FRAS1: variants seen among roughly 807,000 people sequenced by gnomAD.
FRAS1 encodes the protein extracellular matrix organizing protein FRAS1.
A neutral mutation model predicts 435.2 loss-of-function variants in FRAS1; 290 were observed. The ratio of observed to expected loss-of-function variants is 0.67; its 90% CI spans 0.61 to 0.73. The LOEUF is 0.73. Ranked by LOEUF, FRAS1 falls within the 30% of genes least tolerant of loss-of-function variation. FRAS1 has a pLI of 0.00. For synonymous variants in FRAS1, 1,800 were observed against 1,851.0 expected, an observed-to-expected ratio of 0.97 and a Z score of 0.71; for missense variants, 4,860 against 5,001.5, an observed-to-expected ratio of 0.97 and a Z score of 0.85.
At chr4:78,067,778 C>T (rs1740120003) in intron 2 of FRAS1, among the ~76,000 whole-genome samples, 1 of 149,754 alleles carries the variant, frequency 6.7e-6, no homozygotes, top group Non-Finnish European at 1.5e-5. Flanking sequence ...ACTGCAACCT[C>T]TGCCTCTAGG....
chr4:78,514,630 T>C (rs936882161), intron 65 of FRAS1, among the ~76,000 whole-genome samples: 2 of 152,218 alleles, frequency 1.3e-5, no homozygotes, highest in Admixed American at 1.3e-4. Flanking sequence ...TTTGCACCTG[T>C]TCCTGCTTAA....
intron 2 of FRAS1, among the ~76,000 whole-genome samples, chr4:78,169,009 T>G (rs776818489): frequency 2.0e-5 from 3 of 152,066 alleles, no homozygotes; most frequent in Non-Finnish European, 2.9e-5. Context: ...GAAATTTAGG[T>G]GCAGATTGTG....
In FRAS1 at chr4:78,464,447, C is replaced by T. The variant is rs1560742430; in HGVS notation, c.6893C>T (p.Thr2298Ile). 1.2e-6 allele frequency: 2 copies of T among 1,613,870 alleles called. No individual in the cohort carries two copies. Among genetic ancestry groups the T allele is most frequent in the Non-Finnish European group, 8.5e-7 (1 of 1,179,880 alleles). ...FTLSDGVSEV[T>I]QTFHITLHPV... The stretch of plus-strand genomic sequence containing the variant: ...TGCACTTTCCTGCCATTCTAGGTGA[C>T]TCAGACTTTCCATATCACTCTTCAC... Residue 2298 changes from threonine (T) to isoleucine (I), a missense_variant, in exon 49 of 74, where the codon ACT becomes ATT. Transcript: ENST00000512123.
intron 61 of FRAS1, among the ~76,000 whole-genome samples, chr4:78,500,939 G>C (rs1210340269): frequency 2.0e-5 from 3 of 152,032 alleles, no homozygotes; most frequent in African/African-American, 7.2e-5. Context: ...TGCACCTTCA[G>C]AAACTCACCT....
intron 9 of FRAS1, among the ~76,000 whole-genome samples, chr4:78,277,636 C>T (rs894945401): frequency 4.6e-5 from 7 of 152,008 alleles, no homozygotes; most frequent in Non-Finnish European, 7.4e-5. Flanking sequence ...AGTGGAATTA[C>T]ACTTTCTAAA....
Position 78,235,089 on chromosome 4 carries a change from T to C in FRAS1, c.109-2421T>C, listed in dbSNP as rs1249868773. ...ATTTTAGTCTTGAGGCTGAATTCCC[T>C]TTTTTTCCAGGAAACCTCAGTTTTT... On this transcript the variant is annotated intron_variant, in intron 2 of 73. Coordinates refer to ENST00000512123, the MANE Select transcript of FRAS1 (RefSeq NM_025074.7). 2.0e-5 allele frequency among the ~76,000 whole-genome samples: 3 copies of C among 152,074 alleles called. No homozygotes were observed. In the East Asian group the frequency reaches 5.8e-4, roughly 29 times the overall value.
intron 2 of FRAS1, among the ~76,000 whole-genome samples, chr4:78,129,023 A>T (rs1578142923): frequency 6.6e-6 from 1 of 152,146 alleles, no homozygotes. Context: ...TCCTTTCCCC[A>T]TTGCTTGTTT....
At chr4:78,199,023 A>G (rs558755033) in intron 2 of FRAS1, among the ~76,000 whole-genome samples, 15 of 152,310 alleles carry the variant, frequency 9.8e-5, no homozygotes, top group Admixed American at 3.3e-4. Flanking sequence ...TGGATTTTTG[A>G]CAGTGCAGGT....
intron 20 of FRAS1, among the ~76,000 whole-genome samples, chr4:78,355,491 T>C (rs914854542): frequency 4.6e-5 from 7 of 152,294 alleles, no homozygotes; most frequent in Non-Finnish European, 1.0e-4. Context: ...GGCTCCAGAA[T>C]AGGCACTGTT....
Position 78,288,647 on chromosome 4 carries a change from G to A in FRAS1, c.1534+2108G>A, listed in dbSNP as rs140069193. ...CAGGGAATTAAACCAATTTGCTTTA[G>A]TTCAGGCTGGTTGCATTTTTATGCA... On this transcript the variant is annotated intron_variant, in intron 14 of 73. Transcript: ENST00000512123. 1.4e-3 allele frequency among the ~76,000 whole-genome samples: 216 copies of A among 151,984 alleles called. 1 individual carries two copies. The highest frequency in any genetic ancestry group is 5.0e-3 in the African/African-American group (206 of 41,432).
chr4:78,263,876 T>C (rs1726230716), intron 6 of FRAS1, among the ~76,000 whole-genome samples: 1 of 152,214 alleles, frequency 6.6e-6, no homozygotes, highest in Admixed American at 6.5e-5. Context: ...CAACTGATCA[T>C]ATATAATGGG....
intron 2 of FRAS1, chr4:78,181,847 C>A (rs1722019266): frequency 2.5e-6 from 4 of 1,612,052 alleles, no homozygotes; most frequent in Non-Finnish European, 3.4e-6. Flanking sequence ...CAGCTGTTTG[C>A]CTGCCGCGTT....
intron 62 of FRAS1, 137 bp from the exon 63 acceptor site, chr4:78,508,594 T>A: frequency 1.2e-6 from 1 of 844,000 alleles, no homozygotes; most frequent in Non-Finnish European, 1.8e-6. Flanking sequence ...TGGCAAAGAA[T>A]TATAAAAACT....
chr4:78,372,750 C>A lies in FRAS1; in HGVS notation c.2902C>A (p.Pro968Thr). ...TTGGAGCTGCAGTGCATGCAGTGGG[C>A]CCCTGAAAACAGACTGCCTGCAGTG... ...CDWSCSACSG[P>T]LKTDCLQCMD... Residue 968 changes from proline (P) to threonine (T), a missense_variant, in exon 24 of 74, where the codon CCC becomes ACC. Transcript: ENST00000512123. 1.2e-6 allele frequency: 2 copies of A among 1,612,854 alleles called. No homozygotes were observed. Among genetic ancestry groups the A allele is most frequent in the Non-Finnish European group, 1.7e-6 (2 of 1,179,716 alleles).
intron 14 of FRAS1, among the ~76,000 whole-genome samples, chr4:78,298,399 A>T (rs1728248747): frequency 6.6e-6 from 1 of 152,016 alleles, no homozygotes; most frequent in African/African-American, 2.4e-5. Flanking sequence ...TATACACAAT[A>T]CAATTTATTT....
intron 54 of FRAS1, among the ~76,000 whole-genome samples, chr4:78,476,770 TAA>T (rs1488587962): frequency 4.6e-5 from 7 of 152,202 alleles, no homozygotes; most frequent in Non-Finnish European, 7.3e-5. Flanking sequence ...TGAAGCTTAA[TAA>T]AAGTGTTATT....
intron 57 of FRAS1, 89 bp downstream of exon 57, chr4:78,482,053 C>A: frequency 7.7e-7 from 1 of 1,303,682 alleles, no homozygotes; most frequent in East Asian, 2.3e-5. Flanking sequence ...CTCTAAACTC[C>A]CCTGGCGATA....
intron 11 of FRAS1, among the ~76,000 whole-genome samples, chr4:78,281,816 CCAAA>C (rs1435847928): frequency 1.3e-5 from 2 of 152,140 alleles, no homozygotes; most frequent in Non-Finnish European, 2.9e-5. Flanking sequence ...CATTCATTCC[CCAAA>C]CAATCTCAAG....
chr4:78,252,666 G>T, intron 5 of FRAS1, 115 bp downstream of exon 5: 2 of 1,037,386 alleles, frequency 1.9e-6, no homozygotes. Context: ...CTAAATGTTG[G>T]CTGGTCTGAG....
Sources: gnomAD v4.1 joint callset for allele counts (sites outside exome capture counted in the v4.1 genomes callset) on GRCh38, gnomAD v4.1.1 for gene constraint, MANE v1.5 for transcripts, NCBI Gene and HGNC (gene_info 2026-07-23, HGNC 2026-07-21) for gene names.